SUCO: variants seen among roughly 807,000 people sequenced by gnomAD.
The protein encoded by SUCO is SUN domain-containing ossification factor.
SUCO carries 57 observed loss-of-function variants against 148.1 expected under a neutral mutation model. The ratio of observed to expected loss-of-function variants is 0.38; its 90% confidence interval spans 0.31 to 0.48. The LOEUF is 0.48. Ranked by LOEUF, SUCO falls within the 20% of genes least tolerant of loss-of-function variation. The probability of loss-of-function intolerance (pLI) is 0.96; values close to 1 mark genes in which losing one functional copy is unlikely to be tolerated. For synonymous variants in SUCO, 470 were observed against 502.7 expected, an observed-to-expected ratio of 0.93 and a Z score of 0.87; for missense variants, 1,331 against 1,468.2, an observed-to-expected ratio of 0.91 and a Z score of 1.53.
intron 8 of SUCO, 84 bp from the exon 9 acceptor site, chr1:172,570,579 A>C: frequency 1.1e-6 from 1 of 877,874 alleles, no homozygotes; most frequent in Non-Finnish European, 1.8e-6. Flanking sequence ...AAAATACAGA[A>C]GTCCCAGAAA....
chr1:172,599,990 A>C (rs1657392360), intron 19 of SUCO, 74 bp from the exon 20 acceptor site: 2 of 1,009,030 alleles, frequency 2.0e-6, no homozygotes, highest in Admixed American at 6.6e-5. Flanking sequence ...TTTTTTTTAG[A>C]TTATTTGACT....
Position 172,551,546 on chromosome 1 carries a change from T to A in SUCO, c.97T>A (p.Ser33Thr), listed in dbSNP as rs776904538. 3.1e-6 allele frequency: 5 copies of A among 1,610,780 alleles called. No homozygotes were observed. In the Admixed American group the frequency reaches 8.4e-5, roughly 27 times the overall value. Reference sequence around the variant, plus strand: ...CTGGCGTGTATGTTGTAAAGAGAGTTCTTCAGCTTCAGCGTCATCATATTA... The same window carrying A: ...CTGGCGTGTATGTTGTAAAGAGAGTACTTCAGCTTCAGCGTCATCATATTA... ...PSWRVCCKES[S>T]SASASSYYSQ... The change falls in exon 2 of 24, where the codon TCT (serine) becomes ACT (threonine). Residue 33 changes from serine to threonine, a missense_variant. Ser to Thr is a moderately conservative substitution (Grantham distance 58). This residue lies in a region of SUCO where 992 missense variants were observed against 1,093.5 expected (regional missense o/e 0.91). Coordinates refer to ENST00000263688, the MANE Select transcript of SUCO (RefSeq NM_014283.5).
chr1:172,606,610 C>T (rs953838242), intron 22 of SUCO, among the ~76,000 whole-genome samples: 3 of 151,544 alleles, frequency 2.0e-5, no homozygotes, highest in Non-Finnish European at 4.4e-5. Flanking sequence ...TTAAATTTAC[C>T]CCACGTTTAC....
intron 6 of SUCO, chr1:172,568,305 T>TAA: frequency 5.5e-6 from 5 of 905,976 alleles, no homozygotes; most frequent in Non-Finnish European, 5.3e-6. Flanking sequence ...ATTCTTTGCT[T>TAA]CCCACCCACC....
chr1:172,572,784 A>C (rs1655142645), intron 9 of SUCO, among the ~76,000 whole-genome samples: 1 of 151,670 alleles, frequency 6.6e-6, no homozygotes, highest in Non-Finnish European at 1.5e-5. Context: ...GTTAGATATT[A>C]CAAGAAGAAA....
At position 172,573,030 on chromosome 1, in the gene SUCO, T is replaced by A. The variant is rs566468921; in HGVS notation, c.1050-861T>A. 1.9e-3 allele frequency among the ~76,000 whole-genome samples: 281 copies of A among 151,432 alleles called. 2 individuals carry two copies. Among genetic ancestry groups the A allele is most frequent in the South Asian group, 3.6e-3 (17 of 4,780 alleles). On this transcript the variant is annotated intron_variant, in intron 9 of 23. Transcript: ENST00000263688. ...ATAAATGTAAATCTTAGCATCATTT[T>A]AAAAAAAAACAGCTTTATTGGGGTA...
intron 19 of SUCO, among the ~76,000 whole-genome samples, chr1:172,594,753 G>A (rs555437201): frequency 6.6e-6 from 1 of 152,342 alleles, no homozygotes; most frequent in South Asian, 2.1e-4. Context: ...TGTATATTTT[G>A]TTGATTTAGG....
chr1:172,600,715 TGTGTG>T (rs1657453847), intron 20 of SUCO, among the ~76,000 whole-genome samples: 1 of 151,586 alleles, frequency 6.6e-6, no homozygotes, highest in Admixed American at 6.6e-5. Flanking sequence ...TGTGTGTGTG[TGTGTG>T]TGTGTGTGTG....
chr1:172,568,308 C>T, intron 6 of SUCO: 1 of 894,400 alleles, frequency 1.1e-6, no homozygotes, highest in Non-Finnish European at 1.3e-6. Context: ...CTTTGCTTCC[C>T]ACCCACCCCA....
intron 11 of SUCO, chr1:172,577,062 A>G (rs906756053): frequency 7.2e-5 from 54 of 748,930 alleles, no homozygotes; most frequent in Non-Finnish European, 7.8e-5. Flanking sequence ...ATAATATACA[A>G]GTATAAATAT....
At chr1:172,593,832 A>G (rs1306351271) in intron 19 of SUCO, among the ~76,000 whole-genome samples, 1 of 152,116 alleles carries the variant, frequency 6.6e-6, no homozygotes, top group East Asian at 1.9e-4. Context: ...GTTGATTGGG[A>G]CAGTTTCAGA....
intron 6 of SUCO, among the ~76,000 whole-genome samples, chr1:172,566,355 T>C: frequency 6.6e-6 from 1 of 152,212 alleles, no homozygotes; most frequent in East Asian, 1.9e-4. Flanking sequence ...AATCACCTTC[T>C]CTCCATCTCT....
chr1:172,537,924 G>A (rs910575497), intron 1 of SUCO, among the ~76,000 whole-genome samples: 3 of 152,164 alleles, frequency 2.0e-5, no homozygotes, highest in African/African-American at 7.2e-5. Flanking sequence ...ATGGTCTGCA[G>A]GATGGATAGT....
chr1:172,608,077 C>T (rs1014552262), intron 22 of SUCO: 2 of 984,642 alleles, frequency 2.0e-6, no homozygotes, highest in African/African-American at 3.5e-5. Context: ...TATCTTGAAG[C>T]TGCTTAGAGT....
chr1:172,541,152 A>G (rs1439994260), intron 1 of SUCO, among the ~76,000 whole-genome samples: 2 of 152,356 alleles, frequency 1.3e-5, no homozygotes, highest in South Asian at 2.1e-4. Flanking sequence ...ACAATGTTGT[A>G]TAACAGCTAT....
Position 172,607,680 on chromosome 1 carries a change from AAACT to A in SUCO, c.3266-1065_3266-1062del, listed in dbSNP as rs1406722500. On this transcript the variant is annotated intron_variant, in intron 22 of 23. Coordinates refer to ENST00000263688, the MANE Select transcript of SUCO (RefSeq NM_014283.5). ...TTTAGTGATTTTTTTTAAAAAAAACAAACTATCATTACTTAGTTGCTTTCATTGT... is the reference window on the plus strand; with the variant it reads ...TTTAGTGATTTTTTTTAAAAAAAACAATCATTACTTAGTTGCTTTCATTGT... Among the ~76,000 whole-genome samples, 7 of 151,930 alleles carry A rather than the reference AAACT, an allele frequency of 4.6e-5. No homozygotes were observed. In the East Asian group the frequency reaches 9.6e-4, roughly 21 times the overall value.
In SUCO at chr1:172,533,243, C is replaced by A; in HGVS notation, c.-193C>A. 6.5e-7 allele frequency: 1 copy of A among 1,547,334 alleles called. No individual in the cohort carries two copies. Among genetic ancestry groups the A allele is most frequent in the African/African-American group, 1.4e-5 (1 of 73,010 alleles). Reference sequence around the variant, plus strand: ...CGGAGTCCTGTGAAGCGCCCCTGTCCGCGCCTCTGTGGGGCCCTCAGAGAG... The same window carrying A: ...CGGAGTCCTGTGAAGCGCCCCTGTCAGCGCCTCTGTGGGGCCCTCAGAGAG... On this transcript the variant is annotated 5_prime_UTR_variant, in exon 1 of 24. Coordinates refer to ENST00000263688, the MANE Select transcript of SUCO (RefSeq NM_014283.5).
intron 22 of SUCO, among the ~76,000 whole-genome samples, chr1:172,606,346 C>T (rs1657867259): frequency 6.6e-6 from 1 of 150,858 alleles, no homozygotes; most frequent in Admixed American, 6.6e-5. Context: ...TAAATATTCC[C>T]TTTTACTGCC....
At chr1:172,580,561 G>T (rs1350932984) in intron 15 of SUCO, among the ~76,000 whole-genome samples, 1 of 152,114 alleles carries the variant, frequency 6.6e-6, no homozygotes, top group Non-Finnish European at 1.5e-5. Flanking sequence ...ATGTTACATA[G>T]TAGTCATTAT....
Sources: allele counts gnomAD v4.1 joint callset (sites outside exome capture counted in the v4.1 genomes callset), GRCh38; gene constraint gnomAD v4.1.1; regional missense constraint gnomAD v4.1.1; transcripts MANE v1.5; gene names NCBI Gene and HGNC (gene_info 2026-07-23, HGNC 2026-07-21).